TRRAP: variants seen among roughly 807,000 people sequenced by gnomAD.
TRRAP encodes transformation/transcription domain associated protein.
TRRAP carries 41 observed loss-of-function variants against 438.8 expected under a neutral mutation model. That is an observed-to-expected ratio of 0.09 (90% CI 0.07 to 0.12). TRRAP has a LOEUF of 0.12. TRRAP is among the 10% of genes least tolerant of loss of function. The pLI is 1.00. For synonymous variants in TRRAP, 1,994 were observed against 1,962.9 expected (o/e 1.02, Z -0.42); for missense variants, 3,122 against 5,055.1 (o/e 0.62, Z 11.60).
In TRRAP at chr7:99,012,534, C is replaced by A; in HGVS notation, c.*179C>A. On this transcript the variant is annotated 3_prime_UTR_variant, in exon 73 of 73. Transcript: ENST00000456197. This position sits in a 1 kb window ranked among gnomAD's most constrained non-coding sequence, Gnocchi z 5.9. ...AGGGAGAATATAGTTTTAGAGGAAGCTGAACTATGACGATGCTGGGCGAAG... is the reference window on the plus strand; with the variant it reads ...AGGGAGAATATAGTTTTAGAGGAAGATGAACTATGACGATGCTGGGCGAAG... 1 of 772,414 alleles carries A rather than the reference C, an allele frequency of 1.3e-6. No homozygotes were observed. Among genetic ancestry groups the A allele is most frequent in the African/African-American group, 1.7e-5 (1 of 57,302 alleles). 47.8% of individuals were successfully genotyped at this position (772,414 alleles called of 1,614,324 possible).
chr7:98,944,545 A>C (rs1043183326), intron 31 of TRRAP, among the ~76,000 whole-genome samples: 37 of 151,532 alleles, frequency 2.4e-4, no homozygotes, highest in African/African-American at 9.0e-4. Context: ...CTTGTCTGAA[A>C]CTCAGAGGCT....
intron 69 of TRRAP, 29 bp from the exon 70 acceptor site, chr7:99,008,348 C>A (rs1056321966): frequency 1.9e-6 from 3 of 1,608,404 alleles, no homozygotes; most frequent in Non-Finnish European, 2.5e-6. Context: ...CACCCTCAGC[C>A]TGCCCCGTTT....
intron 45 of TRRAP, among the ~76,000 whole-genome samples, chr7:98,960,603 C>G (rs1278502026): frequency 6.6e-6 from 1 of 151,814 alleles, no homozygotes; most frequent in African/African-American, 2.4e-5. Context: ...GTTTTTGTTT[C>G]GTTTTTTTGA....
chr7:98,895,708 T>C lies in TRRAP; in HGVS notation c.451-56T>C, dbSNP rs374933542. 112 of 1,413,532 alleles carry C rather than the reference T, an allele frequency of 7.9e-5. No individual in the cohort carries two copies. In the East Asian group the frequency reaches 8.2e-4, roughly 10 times the overall value. The allele number at this position is 1,413,532 out of a possible 1,614,324, so 87.6% of individuals were successfully genotyped here. ...CAATTACAACTTTTCTTATTTATTA[T>C]GGGTATTTTCTGTTTATGAATATCT... On this transcript the variant is annotated intron_variant, in intron 6 of 72. Transcript: ENST00000456197.
chr7:98,976,980 A>C lies in TRRAP; in HGVS notation c.8289A>C (p.Gln2763His). The stretch of plus-strand genomic sequence containing the variant: ...TTGCGGAGCTTTACTCCCTGTTACA[A>C]GAGGAAGATATGTGGGCTGGTCTGT... ...DSLAELYSLL[Q>H]EEDMWAGLWQ... Residue 2763 changes from glutamine (Q) to histidine (H), a missense_variant, in exon 56 of 73, where the codon CAA (glutamine) becomes CAC (histidine). Transcript: ENST00000456197. This position sits in a 1 kb window ranked among gnomAD's most constrained non-coding sequence, Gnocchi z 4.6. 2 of 1,614,176 alleles carry C rather than the reference A, an allele frequency of 1.2e-6. No homozygotes were observed. The highest frequency in any genetic ancestry group is 1.7e-6 in the Non-Finnish European group (2 of 1,180,042).
intron 67 of TRRAP, among the ~76,000 whole-genome samples, chr7:98,997,167 G>A (rs772418024): frequency 3.3e-5 from 5 of 151,888 alleles, no homozygotes; most frequent in South Asian, 2.1e-4. Context: ...TTAGCCTGTC[G>A]TGGTGGCGTG....
chr7:99,010,936 A>G, intron 70 of TRRAP, 116 bp from the exon 71 acceptor site: 2 of 1,075,010 alleles, frequency 1.9e-6, no homozygotes, highest in Non-Finnish European at 2.7e-6. Flanking sequence ...CTGTCACCAG[A>G]ATTTACAGAA....
At chr7:99,001,411 A>G (rs1424416101) in intron 67 of TRRAP, among the ~76,000 whole-genome samples, 2 of 152,228 alleles carry the variant, frequency 1.3e-5, no homozygotes, top group Non-Finnish European at 2.9e-5. Context: ...TGAAAGTTTT[A>G]TGGAAATCAT....
intron 70 of TRRAP, 120 bp downstream of exon 70, chr7:99,008,681 A>G (rs1204974335): frequency 1.8e-6 from 2 of 1,088,818 alleles, no homozygotes; most frequent in Admixed American, 2.7e-5. Flanking sequence ...CACCTCTGTC[A>G]TTTAAAGTAA....
In TRRAP at chr7:98,976,490, C is replaced by G. The variant is rs763483913; in HGVS notation, c.7967C>G (p.Ala2656Gly). Residue 2656 changes from alanine to glycine, a missense_variant, in exon 55 of 73, where the codon GCG becomes GGG. Ala to Gly is a moderately conservative substitution (Grantham distance 60). Transcript: ENST00000456197. This position sits in a 1 kb window ranked among gnomAD's most constrained non-coding sequence, Gnocchi z 4.6. Reference protein sequence around the residue: ...ILSDRQQHALAGEISPFLCSG... With the variant: ...ILSDRQQHALGGEISPFLCSG... ...CATGTGCTTTGGTTTCAGGCACTCGCGGGTGAGATAAGTCCATTTCTGTGC... is the reference window on the plus strand; with the variant it reads ...CATGTGCTTTGGTTTCAGGCACTCGGGGGTGAGATAAGTCCATTTCTGTGC... 6.2e-7 allele frequency: 1 copy of G among 1,607,854 alleles called. No homozygotes were observed. The highest frequency in any genetic ancestry group is 1.3e-5 in the African/African-American group (1 of 75,008).
At chr7:98,947,330 T>C (rs1182852551) in intron 33 of TRRAP, among the ~76,000 whole-genome samples, 3 of 152,256 alleles carry the variant, frequency 2.0e-5, no homozygotes, top group Admixed American at 6.5e-5. Flanking sequence ...TTTTTAGGCC[T>C]GGTTGACAAA....
At chr7:98,962,231 C>T (rs1035704046) in intron 46 of TRRAP, 71 bp from the exon 47 acceptor site, 5 of 1,604,640 alleles carry the variant, frequency 3.1e-6, no homozygotes, top group East Asian at 2.2e-5. Flanking sequence ...AGCCAGCACT[C>T]AGTCCCTGGC....
intron 47 of TRRAP, among the ~76,000 whole-genome samples, chr7:98,963,066 C>T (rs771320903): frequency 2.6e-5 from 4 of 152,180 alleles, no homozygotes; most frequent in African/African-American, 4.8e-5. Flanking sequence ...GTAGAAGTCA[C>T]CTGTCAGGCT....
chr7:98,964,879 C>A, intron 48 of TRRAP, 104 bp downstream of exon 48: 1 of 1,358,836 alleles, frequency 7.4e-7, no homozygotes, highest in Non-Finnish European at 9.8e-7. Context: ...GTGCATTCAC[C>A]AAGTCCTGTT....
At chr7:98,883,277 AT>A (rs1406137695) in intron 3 of TRRAP, among the ~76,000 whole-genome samples, 1 of 151,598 alleles carries the variant, frequency 6.6e-6, no homozygotes, top group African/African-American at 2.4e-5. Flanking sequence ...TATTTTTTGT[AT>A]TTTTTTAAAT....
Position 98,948,116 on chromosome 7 carries a change from A to G in TRRAP, c.4549-105A>G. 6.5e-7 allele frequency: 1 copy of G among 1,527,448 alleles called. No homozygotes were observed. Among genetic ancestry groups the G allele is most frequent in the East Asian group, 2.3e-5 (1 of 44,286 alleles). 94.6% of individuals were successfully genotyped at this position (1,527,448 alleles called of 1,614,324 possible). A position where few individuals can be genotyped will look rare whatever the true frequency, so the allele number is the denominator to read the frequency against. On this transcript the variant is annotated intron_variant, in intron 33 of 72. Transcript: ENST00000456197. This position sits in a 1 kb window ranked among gnomAD's most constrained non-coding sequence, Gnocchi z 4.9. ...ATGTGAACCCTTCGCTTCACTGCCT[A>G]GCCTTGCCAACATAGTTAGACTATA...
intron 3 of TRRAP, among the ~76,000 whole-genome samples, chr7:98,886,408 CTA>C (rs1204328363): frequency 1.4e-5 from 2 of 140,954 alleles, no homozygotes; most frequent in Non-Finnish European, 3.1e-5. Flanking sequence ...ATATAGATAT[CTA>C]GAGAGATATG....
At chr7:98,942,858 A>C in intron 30 of TRRAP, 91 bp from the exon 31 acceptor site, 1 of 1,421,216 alleles carries the variant, frequency 7.0e-7, no homozygotes, top group Non-Finnish European at 9.8e-7. Context: ...TCTCACACTA[A>C]ACACGATGGA....
At chr7:98,893,342 CTG>C (rs1271046501) in intron 5 of TRRAP, among the ~76,000 whole-genome samples, 9 of 152,220 alleles carry the variant, frequency 5.9e-5, no homozygotes, top group Non-Finnish European at 1.3e-4. Context: ...CGCTTTGTTG[CTG>C]TGTCATGTCA....
Sources: gnomAD v4.1 joint callset for allele counts (sites outside exome capture counted in the v4.1 genomes callset) on GRCh38, gnomAD v4.1.1 for gene constraint, Gnocchi (gnomAD v3.1) non-coding constraint, MANE v1.5 for transcripts, NCBI Gene and HGNC (gene_info 2026-07-23, HGNC 2026-07-21) for gene names.